KPNA6: variants seen among roughly 807,000 people sequenced by gnomAD.
The protein encoded by KPNA6 is importin subunit alpha-7.
KPNA6 carries 9 observed loss-of-function variants against 72.0 expected under a neutral mutation model. That is an observed-to-expected ratio of 0.13 (90% CI 0.08 to 0.22). The LOEUF (loss-of-function observed/expected upper bound fraction) is 0.22. Ranked by LOEUF, KPNA6 falls within the 10% of genes least tolerant of loss-of-function variation. The probability of loss-of-function intolerance (pLI) is 1.00; values close to 1 mark genes in which losing one functional copy is unlikely to be tolerated. For synonymous variants in KPNA6, 219 were observed against 242.1 expected (o/e 0.90, Z 0.89); for missense variants, 374 against 655.7 (o/e 0.57, Z 4.69).
At chr1:32,139,744 G>A (rs949131226) in intron 1 of KPNA6, among the ~76,000 whole-genome samples, 3 of 152,174 alleles carry the variant, frequency 2.0e-5, no homozygotes, top group Admixed American at 2.0e-4. Flanking sequence ...AAATGGCTTT[G>A]TTGTTTGCAG....
At chr1:32,125,045 G>A (rs924722662) in intron 1 of KPNA6, among the ~76,000 whole-genome samples, 9 of 151,084 alleles carry the variant, frequency 6.0e-5, no homozygotes, top group African/African-American at 1.5e-4. Flanking sequence ...GTGTTCCACC[G>A]TGTTGCCCAG....
chr1:32,111,802 C>T (rs2124518555), intron 1 of KPNA6, among the ~76,000 whole-genome samples: 1 of 152,308 alleles, frequency 6.6e-6, no homozygotes, highest in Non-Finnish European at 1.5e-5. Flanking sequence ...AACTTCATTA[C>T]CCTTAACAGA....
chr1:32,147,665 T>TA (rs1459327070), intron 1 of KPNA6, among the ~76,000 whole-genome samples: 7 of 140,592 alleles, frequency 5.0e-5, no homozygotes, highest in Non-Finnish European at 1.1e-4. Context: ...TTTTTTTTTT[T>TA]TTTTTTTTTT....
intron 1 of KPNA6, among the ~76,000 whole-genome samples, chr1:32,149,926 C>T (rs948085938): frequency 2.0e-5 from 3 of 151,900 alleles, no homozygotes; most frequent in Non-Finnish European, 4.4e-5. Context: ...TGTTTTCTGA[C>T]TTACGGTTTC....
intron 1 of KPNA6, among the ~76,000 whole-genome samples, chr1:32,129,277 C>T (rs1407433307): frequency 6.6e-6 from 1 of 151,676 alleles, no homozygotes; most frequent in Non-Finnish European, 1.5e-5. Context: ...AGCCATCTTC[C>T]CACCTCAGTC....
chr1:32,108,063 C>A lies in KPNA6; in HGVS notation c.-68C>A. The A allele has an allele frequency of 6.2e-7, 1 of 1,612,124 alleles. No homozygotes were observed. Among genetic ancestry groups the A allele is most frequent in the Non-Finnish European group, 8.5e-7 (1 of 1,178,554 alleles). On this transcript the variant is annotated 5_prime_UTR_variant, in exon 1 of 14. Coordinates refer to ENST00000373625, the MANE Select transcript of KPNA6 (RefSeq NM_012316.5). ...CCGTCCTACAGATCCGCCATATTGTCTACTGAAAGCTGCCGCTGAAGCTGC... is the reference window on the plus strand; with the variant it reads ...CCGTCCTACAGATCCGCCATATTGTATACTGAAAGCTGCCGCTGAAGCTGC...
chr1:32,109,881 C>A (rs181245427), intron 1 of KPNA6, among the ~76,000 whole-genome samples: 17 of 151,832 alleles, frequency 1.1e-4, no homozygotes, highest in African/African-American at 3.1e-4. Flanking sequence ...TGGTCTTGAT[C>A]TCCTGACCTC....
chr1:32,135,897 T>C (rs1185984568), intron 1 of KPNA6, among the ~76,000 whole-genome samples: 1 of 152,082 alleles, frequency 6.6e-6, no homozygotes, highest in Non-Finnish European at 1.5e-5. Context: ...TTGTATGGTT[T>C]AGGAATTACA....
intron 1 of KPNA6, among the ~76,000 whole-genome samples, chr1:32,119,264 CAG>C (rs1266332269): frequency 6.6e-6 from 1 of 151,628 alleles, no homozygotes; most frequent in Admixed American, 6.6e-5. Flanking sequence ...CTCCTGACCT[CAG>C]GTTATCCGCC....
Position 32,147,629 on chromosome 1 carries a change from C to T in KPNA6, c.5-6959C>T, listed in dbSNP as rs1570041404. On this transcript the variant is annotated intron_variant, in intron 1 of 13. Transcript: ENST00000373625. ...CGGCACTTTCTTATTCTACTGCCTTCTGACTTTCGTGATTTCTTTTCTTTT... is the reference window on the plus strand; with the variant it reads ...CGGCACTTTCTTATTCTACTGCCTTTTGACTTTCGTGATTTCTTTTCTTTT... 2.2e-5 allele frequency among the ~76,000 whole-genome samples: 3 copies of T among 136,350 alleles called. No individual in the cohort carries two copies. The East Asian group carries it at 6.4e-4, about 29-fold the overall frequency. 89.5% of individuals were successfully genotyped at this position (136,350 alleles called of 152,430 possible).
chr1:32,132,647 T>C (rs1419167769), intron 1 of KPNA6, among the ~76,000 whole-genome samples: 4 of 152,138 alleles, frequency 2.6e-5, no homozygotes, highest in Non-Finnish European at 5.9e-5. Flanking sequence ...CTCAAGCCTG[T>C]AATCCCAGCA....
At chr1:32,115,127 A>G (rs1641307767) in intron 1 of KPNA6, among the ~76,000 whole-genome samples, 2 of 148,562 alleles carry the variant, frequency 1.3e-5, no homozygotes, top group South Asian at 4.3e-4. Context: ...GGCATGAGCC[A>G]CCACACCCGG....
At chr1:32,160,795 T>C (rs1642224003) in intron 7 of KPNA6, 92 bp downstream of exon 7, 2 of 851,138 alleles carry the variant, frequency 2.3e-6, no homozygotes, top group Admixed American at 1.8e-5. Flanking sequence ...CTTAAGATGA[T>C]AGGTAAGTGC....
chr1:32,163,457 G>A, intron 10 of KPNA6, 144 bp downstream of exon 10: 2 of 610,494 alleles, frequency 3.3e-6, no homozygotes, highest in Non-Finnish European at 3.0e-6. Flanking sequence ...GGGCTTGAGT[G>A]AAAAGTTCCA....
intron 1 of KPNA6, among the ~76,000 whole-genome samples, chr1:32,140,419 G>C (rs1029481960): frequency 1.1e-4 from 16 of 152,014 alleles, no homozygotes; most frequent in Non-Finnish European, 2.4e-4. Flanking sequence ...CTTATTATGG[G>C]ATACATACTA....
At position 32,110,212 on chromosome 1, in the gene KPNA6, C is replaced by T. The variant is rs1459437339; in HGVS notation, c.4+2078C>T. Among the ~76,000 whole-genome samples the T allele has an allele frequency of 2.0e-5, 3 of 151,448 alleles. No individual in the cohort carries two copies. In the South Asian group the frequency reaches 6.3e-4, roughly 32 times the overall value. ...CCTGAGTAGCTGGGATTACAGGCAT[C>T]CACCACCACACCTAGCTAATTTTTG... On this transcript the variant is annotated intron_variant, in intron 1 of 13. Coordinates refer to ENST00000373625, the MANE Select transcript of KPNA6 (RefSeq NM_012316.5).
intron 9 of KPNA6, 97 bp downstream of exon 9, chr1:32,162,621 G>C: frequency 7.4e-7 from 1 of 1,345,798 alleles, no homozygotes; most frequent in Non-Finnish European, 1.0e-6. Context: ...CGGATCACAA[G>C]GTCAGGAGTT....
At chr1:32,158,741 A>T (rs1350514064) in intron 5 of KPNA6, among the ~76,000 whole-genome samples, 1 of 152,204 alleles carries the variant, frequency 6.6e-6, no homozygotes, top group African/African-American at 2.4e-5. Flanking sequence ...TTGCAGTGGG[A>T]TACTTCTATT....
chr1:32,167,722 C>T (rs1054124794), intron 12 of KPNA6, among the ~76,000 whole-genome samples: 59 of 151,970 alleles, frequency 3.9e-4, no homozygotes, highest in African/African-American at 1.4e-3. Flanking sequence ...AAAAATTAGC[C>T]GGGCGTGGTG....
Sources: allele counts gnomAD v4.1 joint callset (sites outside exome capture counted in the v4.1 genomes callset), GRCh38; gene constraint gnomAD v4.1.1; transcripts MANE v1.5; gene names NCBI Gene and HGNC (gene_info 2026-07-23, HGNC 2026-07-21).